The following ARL15 variants were observed in gnomAD, a reference collection of about 807,000 sequenced individuals.
The protein encoded by ARL15 is ADP-ribosylation factor-like protein 15.
ARL15 carries 19 observed loss-of-function variants against 25.2 expected under a neutral mutation model. The ratio of observed to expected loss-of-function variants is 0.75; its 90% CI spans 0.53 to 1.10. The LOEUF (loss-of-function observed/expected upper bound fraction) is 1.10, where lower values mean the gene tolerates loss of function less well. Ranked by LOEUF, ARL15 falls within the 50% of genes least tolerant of loss-of-function variation. ARL15 has a pLI of 0.00. For synonymous variants in ARL15, 94 were observed against 86.8 expected (o/e 1.08, Z -0.46); for missense variants, 220 against 246.0 (o/e 0.89, Z 0.71).
intron 4 of ARL15, among the ~76,000 whole-genome samples, chr5:53,912,595 A>G (rs1454675934): frequency 3.9e-5 from 6 of 152,314 alleles, no homozygotes; most frequent in African/African-American, 1.2e-4. Context: ...TTTCTCCACC[A>G]TAATCTTGCA....
At chr5:53,908,349 G>A (rs905639262) in intron 4 of ARL15, among the ~76,000 whole-genome samples, 4 of 152,062 alleles carry the variant, frequency 2.6e-5, no homozygotes, top group South Asian at 2.1e-4. Flanking sequence ...AATTGCACAC[G>A]TACTGAACAT....
chr5:54,005,987 T>G (rs1007405173), intron 4 of ARL15, among the ~76,000 whole-genome samples: 2 of 147,562 alleles, frequency 1.4e-5, no homozygotes, highest in Non-Finnish European at 3.0e-5. Context: ...GAGGTGGAGG[T>G]TGCATTGAGC....
chr5:54,223,619 A>G (rs1240706328), intron 1 of ARL15, among the ~76,000 whole-genome samples: 2 of 152,224 alleles, frequency 1.3e-5, no homozygotes, highest in African/African-American at 4.8e-5. Context: ...AAATATGAAA[A>G]TAACAATAAA....
At chr5:53,963,846 C>T (rs1580122833) in intron 4 of ARL15, among the ~76,000 whole-genome samples, 1 of 132,020 alleles carries the variant, frequency 7.6e-6, no homozygotes, top group East Asian at 2.3e-4. Context: ...CACACACACA[C>T]ACATACACAG....
chr5:54,064,966 C>CT (rs918031350), intron 4 of ARL15, among the ~76,000 whole-genome samples: 4 of 152,154 alleles, frequency 2.6e-5, no homozygotes, highest in Non-Finnish European at 4.4e-5. Context: ...AACCAATGCT[C>CT]TGAGTATACC....
chr5:54,171,593 T>C (rs62370446), intron 2 of ARL15, among the ~76,000 whole-genome samples, 191 bp downstream of exon 2: 2,748 of 152,296 alleles, frequency 0.018, 38 homozygotes, highest in Non-Finnish European at 0.025. Context: ...GCTAGAGGGA[T>C]ATAGGATACA....
chr5:54,223,561 G>A (rs1242121431), intron 1 of ARL15, among the ~76,000 whole-genome samples: 1 of 152,116 alleles, frequency 6.6e-6, no homozygotes, highest in Admixed American at 6.6e-5. Flanking sequence ...ACTTCTATTA[G>A]ATAGATTATT....
At chr5:54,114,400 T>C (rs1401799228) in intron 3 of ARL15, among the ~76,000 whole-genome samples, 2 of 4,170 alleles carry the variant, frequency 4.8e-4, no homozygotes, top group South Asian at 0.017. Flanking sequence ...CAAGGCTCCA[T>C]CTCAAGAAAA....
At chr5:54,093,813 C>A (rs1214015238) in intron 4 of ARL15, among the ~76,000 whole-genome samples, 6 of 151,904 alleles carry the variant, frequency 3.9e-5, no homozygotes, top group African/African-American at 1.5e-4. Flanking sequence ...CATTATCATA[C>A]AATATTCAAG....
intron 1 of ARL15, among the ~76,000 whole-genome samples, chr5:54,208,203 T>C (rs1197860616): frequency 6.6e-6 from 1 of 152,106 alleles, no homozygotes; most frequent in Non-Finnish European, 1.5e-5. Flanking sequence ...ACACAGTAGA[T>C]AAATCTCACT....
intron 1 of ARL15, among the ~76,000 whole-genome samples, chr5:54,211,467 C>CT (rs57554255): frequency 0.27 from 32,275 of 119,198 alleles, 5,039 homozygotes; most frequent in African/African-American, 0.35. Flanking sequence ...AAATGAAACA[C>CT]TTTTTTTTTT....
chr5:54,241,719 G>A (rs1022790896), intron 1 of ARL15, among the ~76,000 whole-genome samples: 1 of 151,918 alleles, frequency 6.6e-6, no homozygotes, highest in Non-Finnish European at 1.5e-5. Flanking sequence ...GTGTAGACAA[G>A]ATATGTAGCA....
intron 1 of ARL15, among the ~76,000 whole-genome samples, chr5:54,266,633 G>A (rs1405755341): frequency 1.3e-5 from 2 of 152,130 alleles, no homozygotes; most frequent in East Asian, 1.9e-4. Context: ...AATCTTCACT[G>A]AGCAAAAAGA....
chr5:54,092,115 C>A (rs1013376188), intron 4 of ARL15, among the ~76,000 whole-genome samples: 2 of 151,416 alleles, frequency 1.3e-5, no homozygotes, highest in African/African-American at 4.8e-5. Context: ...AATCTATACA[C>A]GTTCGTTCCG....
At chr5:54,141,720 T>C (rs1340359837) in intron 3 of ARL15, among the ~76,000 whole-genome samples, 1 of 152,134 alleles carries the variant, frequency 6.6e-6, no homozygotes, top group East Asian at 1.9e-4. Flanking sequence ...ATTTTCCTTC[T>C]CCCACTCCCA....
At chr5:54,187,777 G>T (rs549212440) in intron 1 of ARL15, among the ~76,000 whole-genome samples, 1 of 152,216 alleles carries the variant, frequency 6.6e-6, no homozygotes, top group East Asian at 1.9e-4. Context: ...ATGCCTGGCA[G>T]TTCTTATGTT....
chr5:54,082,273 C>T (rs943903781), intron 4 of ARL15, among the ~76,000 whole-genome samples: 1 of 152,084 alleles, frequency 6.6e-6, no homozygotes, highest in Non-Finnish European at 1.5e-5. Context: ...TTGTGCATAA[C>T]AGGAGAAATA....
chr5:54,109,086 C>G (rs1431488819), intron 4 of ARL15, among the ~76,000 whole-genome samples: 1 of 151,914 alleles, frequency 6.6e-6, no homozygotes, highest in African/African-American at 2.4e-5. Context: ...GTCATAATAA[C>G]AAACTGAATT....
At chr5:53,915,953 T>C (rs771583534) in intron 4 of ARL15, among the ~76,000 whole-genome samples, 2 of 152,186 alleles carry the variant, frequency 1.3e-5, no homozygotes, top group African/African-American at 2.4e-5. Context: ...TTCACTCAGG[T>C]TGAAGTGCAG....
Sources: gnomAD v4.1 joint callset for allele counts (sites outside exome capture counted in the v4.1 genomes callset) on GRCh38, gnomAD v4.1.1 for gene constraint, MANE v1.5 for transcripts, NCBI Gene and HGNC (gene_info 2026-07-23, HGNC 2026-07-21) for gene names.